Variants in MGARP observed in about 807,000 individuals in gnomAD.
The protein encoded by MGARP is mitochondria localized glutamic acid rich protein, also known as protein MGARP.
A neutral mutation model predicts 11.0 loss-of-function variants in MGARP; 12 were observed. That is an observed-to-expected ratio of 1.09 (90% confidence interval 0.70 to 1.77). MGARP has a LOEUF of 1.77. Among genes scored for constraint, MGARP ranks in the 40% most tolerant of loss-of-function variants. The probability of loss-of-function intolerance (pLI) is 0.00; values close to 1 mark genes in which losing one functional copy is unlikely to be tolerated. For missense variants in MGARP, 283 were observed against 297.8 expected, an observed-to-expected ratio of 0.95 and a Z score of 0.36; for synonymous variants, 110 against 115.4, an observed-to-expected ratio of 0.95 and a Z score of 0.30.
chr4:139,276,941 G>C (rs1744883926), intron 1 of MGARP, among the ~76,000 whole-genome samples: 1 of 152,146 alleles, frequency 6.6e-6, no homozygotes, highest in African/African-American at 2.4e-5. Flanking sequence ...AGATATCTTG[G>C]GGATGGGACT....
At chr4:139,275,969 G>C (rs1033896096) in intron 1 of MGARP, among the ~76,000 whole-genome samples, 2 of 152,142 alleles carry the variant, frequency 1.3e-5, no homozygotes, top group East Asian at 3.9e-4. Flanking sequence ...GTTGCAGAAA[G>C]GTTGTATCTG....
chr4:139,268,152 T>C (rs13125490), intron 3 of MGARP, among the ~76,000 whole-genome samples: 2 of 122,060 alleles, frequency 1.6e-5, no homozygotes, highest in Non-Finnish European at 3.4e-5. Context: ...GAAGGGAGGG[T>C]GGGAAAAAGA....
chr4:139,273,102 C>T (rs541599830), intron 2 of MGARP, among the ~76,000 whole-genome samples: 7 of 152,250 alleles, frequency 4.6e-5, no homozygotes, highest in African/African-American at 1.2e-4. Flanking sequence ...GATGGGGTCC[C>T]GCTATGTTGG....
At chr4:139,272,752 T>C (rs373451315) in intron 2 of MGARP, among the ~76,000 whole-genome samples, 29 of 138,802 alleles carry the variant, frequency 2.1e-4, no homozygotes, top group African/African-American at 7.6e-4. Context: ...AGTGGTGCAA[T>C]CTTGGCTCAC....
chr4:139,275,411 A>G lies in MGARP; in HGVS notation c.83-19T>C, dbSNP rs971157356. Reference sequence around the variant, plus strand: ...AGAGATGCTAGGAAAAAAATGTTTAAACACAGTTAGCTTCACTAGTTGAGC... The same window carrying G: ...AGAGATGCTAGGAAAAAAATGTTTAGACACAGTTAGCTTCACTAGTTGAGC... On this transcript the variant is annotated intron_variant, in intron 1 of 3. Transcript: ENST00000398955. 3 of 1,597,752 alleles carry G rather than the reference A, an allele frequency of 1.9e-6. No homozygotes were observed. In the Admixed American group the frequency reaches 5.1e-5, roughly 27 times the overall value.
In MGARP at chr4:139,276,229, T is replaced by C. The variant is rs1356842615; in HGVS notation, c.83-837A>G. On this transcript the variant is annotated intron_variant, in intron 1 of 3. Coordinates refer to ENST00000398955, the MANE Select transcript of MGARP (RefSeq NM_032623.4). ...ACACAGCTGAGCATCTACTACGTAT[T>C]TGGAATTGTTAGAAGCATTAAGAAT... is the stretch of plus-strand genomic sequence containing the variant. Among the ~76,000 whole-genome samples the C allele has an allele frequency of 2.0e-5, 3 of 152,308 alleles. No individual in the cohort carries two copies. The East Asian group carries it at 5.8e-4, about 29-fold the overall frequency.
intron 2 of MGARP, among the ~76,000 whole-genome samples, chr4:139,273,229 A>AT (rs1560932107): frequency 6.6e-6 from 1 of 150,560 alleles, no homozygotes; most frequent in Non-Finnish European, 1.5e-5. Context: ...ATTTATTATT[A>AT]TTTTTTTTGA....
At position 139,266,465 on chromosome 4, in the gene MGARP, C is replaced by CA; in HGVS notation, c.*133dup. ...AGTCCTAAAATCTATCAGTGGATGCCAAAAATCTTCAAGACCCATTAACGT... is the reference window on the plus strand; with the variant it reads ...AGTCCTAAAATCTATCAGTGGATGCCAAAAAATCTTCAAGACCCATTAACGT... On this transcript the variant is annotated 3_prime_UTR_variant, in exon 4 of 4. Coordinates refer to ENST00000398955, the MANE Select transcript of MGARP (RefSeq NM_032623.4). 1.2e-6 allele frequency: 1 copy of CA among 830,958 alleles called. No homozygotes were observed. 51.5% of individuals were successfully genotyped at this position (830,958 alleles called of 1,614,324 possible). A position where few individuals can be genotyped will look rare whatever the true frequency, so the allele number is the denominator to read the frequency against.
intron 2 of MGARP, among the ~76,000 whole-genome samples, chr4:139,270,192 C>G (rs902688034): frequency 2.7e-5 from 4 of 150,140 alleles, no homozygotes; most frequent in Non-Finnish European, 5.9e-5. Flanking sequence ...CCCAGCTACT[C>G]GGGAGGCTGA....
intron 2 of MGARP, among the ~76,000 whole-genome samples, chr4:139,270,049 C>G (rs908375283): frequency 7.9e-5 from 12 of 152,246 alleles, no homozygotes; most frequent in African/African-American, 2.6e-4. Flanking sequence ...CACCTGTAAT[C>G]CCAGCACTTT....
chr4:139,268,623 T>C (rs1224858836), intron 3 of MGARP, 49 bp downstream of exon 3: 2 of 1,319,316 alleles, frequency 1.5e-6, no homozygotes, highest in South Asian at 1.3e-5. Context: ...GGATGGAAAT[T>C]AGTGCCTCAA....
rs1405172004 is a variant in MGARP, at chr4:139,266,464, C to A, written c.*135G>T. The A allele has an allele frequency of 1.0e-4, 84 of 800,628 alleles. No homozygotes were observed. The highest frequency in any genetic ancestry group is 1.7e-5 in the African/African-American group (1 of 57,558). The allele number at this position is 800,628 out of a possible 1,614,324, so 49.6% of individuals were successfully genotyped here. Reference sequence around the variant, plus strand: ...CAGTCCTAAAATCTATCAGTGGATGCCAAAAATCTTCAAGACCCATTAACG... The same window carrying A: ...CAGTCCTAAAATCTATCAGTGGATGACAAAAATCTTCAAGACCCATTAACG... On this transcript the variant is annotated 3_prime_UTR_variant, in exon 4 of 4. Coordinates refer to ENST00000398955, the MANE Select transcript of MGARP (RefSeq NM_032623.4).
intron 1 of MGARP, 28 bp from the exon 2 acceptor site, chr4:139,275,420 A>G (rs1744852518): frequency 1.3e-6 from 2 of 1,564,186 alleles, no homozygotes; most frequent in Middle Eastern, 1.7e-4. Context: ...AAACACAGTT[A>G]GCTTCACTAG....
Position 139,266,438 on chromosome 4 carries a change from T to TCA in MGARP, c.*159_*160dup. Reference sequence around the variant, plus strand: ...TAAGAAATGTACAATCTCAAGTCTCTCAGTCCTAAAATCTATCAGTGGATG... The same window carrying TCA: ...TAAGAAATGTACAATCTCAAGTCTCTCACAGTCCTAAAATCTATCAGTGGATG... On this transcript the variant is annotated 3_prime_UTR_variant, in exon 4 of 4. Transcript: ENST00000398955. The TCA allele has an allele frequency of 1.6e-6, 1 of 633,638 alleles. No individual in the cohort carries two copies. Among genetic ancestry groups the TCA allele is most frequent in the South Asian group, 2.1e-5 (1 of 48,554 alleles). The allele number at this position is 633,638 out of a possible 1,614,324, so 39.3% of individuals were successfully genotyped here.
chr4:139,279,712 G>A (rs1744927177), intron 1 of MGARP, among the ~76,000 whole-genome samples: 1 of 152,154 alleles, frequency 6.6e-6, no homozygotes, highest in Admixed American at 6.5e-5. Context: ...GTGGTAAGCT[G>A]CGACTTTGTC....
At chr4:139,270,472 G>A (rs1301895716) in intron 2 of MGARP, among the ~76,000 whole-genome samples, 2 of 151,498 alleles carry the variant, frequency 1.3e-5, no homozygotes, top group Non-Finnish European at 1.5e-5. Context: ...AGCCAGGAGT[G>A]GTGGCGGGCG....
intron 2 of MGARP, among the ~76,000 whole-genome samples, chr4:139,271,440 C>G (rs531730840): frequency 6.6e-6 from 1 of 152,088 alleles, no homozygotes; most frequent in African/African-American, 2.4e-5. Flanking sequence ...GCAGGAGAAT[C>G]GCTTGAACCC....
At chr4:139,273,661 C>T (rs934259715) in intron 2 of MGARP, among the ~76,000 whole-genome samples, 1 of 151,864 alleles carries the variant, frequency 6.6e-6, no homozygotes, top group Non-Finnish European at 1.5e-5. Context: ...ATTACAGGCA[C>T]CTGCCACCAT....
At chr4:139,277,826 T>A (rs1218035895) in intron 1 of MGARP, among the ~76,000 whole-genome samples, 1 of 152,164 alleles carries the variant, frequency 6.6e-6, no homozygotes, top group Non-Finnish European at 1.5e-5. Context: ...TAAAACGTAA[T>A]TAGTTGTGTT....
Sources: gnomAD v4.1 joint callset for allele counts (sites outside exome capture counted in the v4.1 genomes callset) on GRCh38, gnomAD v4.1.1 for gene constraint, MANE v1.5 for transcripts, NCBI Gene and HGNC (gene_info 2026-07-23, HGNC 2026-07-21) for gene names.